IQCM: variants seen among roughly 807,000 people sequenced by gnomAD.
IQCM encodes IQ motif containing M.
IQCM carries 45 observed loss-of-function variants against 57.6 expected under a neutral mutation model. That is an observed-to-expected ratio of 0.78 (90% confidence interval 0.62 to 1.00). The LOEUF (loss-of-function observed/expected upper bound fraction) is 1.00, where lower values mean the gene tolerates loss of function less well. Ranked by LOEUF, IQCM falls within the 50% of genes least tolerant of loss-of-function variation. The probability of loss-of-function intolerance (pLI) is 0.00; values close to 1 mark genes in which losing one functional copy is unlikely to be tolerated. For missense variants in IQCM, 468 were observed against 511.6 expected (o/e 0.91, Z 0.82); for synonymous variants, 148 against 158.9 (o/e 0.93, Z 0.51).
intron 8 of IQCM, among the ~76,000 whole-genome samples, chr4:149,616,084 C>T (rs1755767389): frequency 6.6e-6 from 1 of 152,010 alleles, no homozygotes; most frequent in African/African-American, 2.4e-5. Context: ...TATATTCTAG[C>T]ATTACACTTC....
At chr4:149,494,022 C>T (rs1029257432) in intron 12 of IQCM, among the ~76,000 whole-genome samples, 1 of 151,300 alleles carries the variant, frequency 6.6e-6, no homozygotes, top group Non-Finnish European at 1.5e-5. Context: ...GTGGCTCTGT[C>T]AAGATACAAG....
intron 2 of IQCM, among the ~76,000 whole-genome samples, chr4:149,770,835 T>C (rs962842211): frequency 6.6e-6 from 1 of 152,026 alleles, no homozygotes; most frequent in Non-Finnish European, 1.5e-5. Context: ...AAATTAACAG[T>C]GTAAGACTGA....
intron 6 of IQCM, among the ~76,000 whole-genome samples, chr4:149,685,060 C>T (rs1262391061): frequency 1.3e-5 from 2 of 151,380 alleles, no homozygotes; most frequent in Admixed American, 1.3e-4. Context: ...AACAATTCTT[C>T]GGAAAATAGT....
In IQCM at chr4:149,512,638, T is replaced by C. The variant is rs533817341; in HGVS notation, c.1228+35817A>G. On this transcript the variant is annotated intron_variant, in intron 12 of 13. Transcript: ENST00000636793. ...TACAATTATGAAATCCAAGCATATT[T>C]GTGACTTATGACCCAGCAGCTCATA... is the stretch of plus-strand genomic sequence containing the variant. 1.4e-4 allele frequency among the ~76,000 whole-genome samples: 21 copies of C among 152,326 alleles called. 1 individual carries two copies. The highest frequency in any genetic ancestry group is 4.8e-4 in the African/African-American group (20 of 41,572).
intron 12 of IQCM, among the ~76,000 whole-genome samples, chr4:149,442,586 C>G (rs554147738): frequency 4.6e-5 from 7 of 152,078 alleles, no homozygotes; most frequent in African/African-American, 1.7e-4. Flanking sequence ...AATCTCTTCT[C>G]GTCCAGTTAC....
chr4:149,687,769 T>C lies in IQCM; in HGVS notation c.386-1301A>G, dbSNP rs1049497253. ...AGCCACCATGATCAAGTGGGTTTCATACCAGGGATGCAGGGATGGTTTAAC... is the reference window on the plus strand; with the variant it reads ...AGCCACCATGATCAAGTGGGTTTCACACCAGGGATGCAGGGATGGTTTAAC... On this transcript the variant is annotated intron_variant, in intron 5 of 13. Coordinates refer to ENST00000636793, the MANE Select transcript of IQCM (RefSeq NM_001363507.2). Among the ~76,000 whole-genome samples, 12 of 152,066 alleles carry C rather than the reference T, an allele frequency of 7.9e-5. No individual in the cohort carries two copies. The East Asian group carries it at 2.3e-3, about 29-fold the overall frequency.
chr4:149,648,755 G>A (rs943386805), intron 7 of IQCM, among the ~76,000 whole-genome samples: 2 of 152,030 alleles, frequency 1.3e-5, no homozygotes, highest in African/African-American at 4.8e-5. Flanking sequence ...TTGTGGGGTG[G>A]GGGGAGAAGG....
intron 12 of IQCM, among the ~76,000 whole-genome samples, chr4:149,527,513 T>C (rs992663013): frequency 1.6e-4 from 24 of 152,296 alleles, no homozygotes; most frequent in African/African-American, 5.8e-4. Flanking sequence ...GACACTGAAT[T>C]TGGCAGCCCC....
At chr4:149,555,245 T>C (rs1245965916) in intron 10 of IQCM, among the ~76,000 whole-genome samples, 1 of 152,146 alleles carries the variant, frequency 6.6e-6, no homozygotes, top group Non-Finnish European at 1.5e-5. Context: ...AAAAAAATAA[T>C]AAATTGATTG....
intron 12 of IQCM, among the ~76,000 whole-genome samples, chr4:149,533,287 TAAAG>T (rs1746934731): frequency 6.6e-6 from 1 of 151,870 alleles, no homozygotes; most frequent in Non-Finnish European, 1.5e-5. Flanking sequence ...AAAAAAGAAA[TAAAG>T]AAATAAATAA....
intron 2 of IQCM, among the ~76,000 whole-genome samples, chr4:149,800,078 A>G (rs1008016145): frequency 4.6e-5 from 7 of 152,024 alleles, no homozygotes; most frequent in African/African-American, 1.7e-4. Flanking sequence ...TCTGCTGCAT[A>G]TTGATGAAAA....
intron 12 of IQCM, among the ~76,000 whole-genome samples, chr4:149,480,607 T>C (rs1042529094): frequency 6.6e-6 from 1 of 152,202 alleles, no homozygotes; most frequent in African/African-American, 2.4e-5. Flanking sequence ...TTTCTTATAG[T>C]TGAATACTAC....
intron 12 of IQCM, among the ~76,000 whole-genome samples, chr4:149,447,063 A>G (rs1490512832): frequency 2.6e-5 from 4 of 151,588 alleles, no homozygotes. Context: ...GAGAGATAAT[A>G]AAGAAGTAAA....
chr4:149,358,523 C>T (rs1729178218), intron 13 of IQCM, among the ~76,000 whole-genome samples: 1 of 152,098 alleles, frequency 6.6e-6, no homozygotes. Flanking sequence ...CATTCAGGAG[C>T]AGGTTGTTCA....
intron 8 of IQCM, among the ~76,000 whole-genome samples, chr4:149,606,135 C>A (rs1345892969): frequency 1.3e-5 from 2 of 152,128 alleles, no homozygotes; most frequent in Non-Finnish European, 2.9e-5. Flanking sequence ...AAACCCAGTT[C>A]TGTGCTGGTT....
chr4:149,395,381 T>G (rs777151111), intron 13 of IQCM, among the ~76,000 whole-genome samples: 4 of 152,042 alleles, frequency 2.6e-5, no homozygotes, highest in Non-Finnish European at 5.9e-5. Context: ...GAAATATCAT[T>G]TGCTGAATAT....
intron 13 of IQCM, among the ~76,000 whole-genome samples, chr4:149,430,435 A>C (rs897626565): frequency 1.5e-4 from 23 of 152,008 alleles, no homozygotes; most frequent in African/African-American, 4.8e-4. Context: ...CCATGAAATG[A>C]TAACCACAAT....
chr4:149,473,931 C>A (rs551262317), intron 12 of IQCM, among the ~76,000 whole-genome samples: 1 of 152,118 alleles, frequency 6.6e-6, no homozygotes, highest in Non-Finnish European at 1.5e-5. Flanking sequence ...ACAATGAGAA[C>A]AATTGGACAC....
intron 12 of IQCM, among the ~76,000 whole-genome samples, chr4:149,438,302 G>A (rs1394883871): frequency 1.3e-5 from 2 of 151,900 alleles, no homozygotes; most frequent in African/African-American, 2.4e-5. Context: ...TGAATGTTAT[G>A]CATTCACAAT....
Sources: gnomAD v4.1 joint callset for allele counts (sites outside exome capture counted in the v4.1 genomes callset) on GRCh38, gnomAD v4.1.1 for gene constraint, MANE v1.5 for transcripts, NCBI Gene and HGNC (gene_info 2026-07-23, HGNC 2026-07-21) for gene names.